Variants in LOC128462377 observed in about 807,000 individuals in gnomAD.
chr16:89,408,860 G>C, the LOC128462377 span, among the ~76,000 whole-genome samples: 1 of 152,214 alleles, frequency 6.6e-6, no homozygotes, highest in South Asian at 2.1e-4. Flanking sequence ...AGGAAAAAAA[G>C]AGAACATAAG....
chr16:89,385,192 TTTTG>T, the LOC128462377 span, among the ~76,000 whole-genome samples: 2 of 150,140 alleles, frequency 1.3e-5, no homozygotes, highest in Admixed American at 6.6e-5. Flanking sequence ...AATGGTGTTT[TTTTG>T]TTTGTTTGTT....
the LOC128462377 span, among the ~76,000 whole-genome samples, chr16:89,405,908 G>A: frequency 1.6e-4 from 24 of 152,148 alleles, no homozygotes; most frequent in Non-Finnish European, 2.5e-4. Context: ...ACAGGAGTTC[G>A]AGAGCAGTCT....
chr16:89,355,258 C>T, the LOC128462377 span, among the ~76,000 whole-genome samples: 2 of 150,678 alleles, frequency 1.3e-5, no homozygotes, highest in Admixed American at 6.6e-5. Context: ...CCCTGAGGCT[C>T]GGAAGGCGGG....
At chr16:89,360,371 A>T in the LOC128462377 span, among the ~76,000 whole-genome samples, 1 of 152,228 alleles carries the variant, frequency 6.6e-6, no homozygotes, top group African/African-American at 2.4e-5. Context: ...AGCTGGGACT[A>T]CAGGTGAACA....
chr16:89,413,873 C>A, the LOC128462377 span, among the ~76,000 whole-genome samples: 2 of 152,138 alleles, frequency 1.3e-5, no homozygotes, highest in African/African-American at 2.4e-5. Flanking sequence ...CAAGGCCAGA[C>A]TGGGGGGAGG....
chr16:89,319,529 C>T, the LOC128462377 span, among the ~76,000 whole-genome samples: 1 of 152,228 alleles, frequency 6.6e-6, no homozygotes, highest in African/African-American at 2.4e-5. Flanking sequence ...CCATCCAGGC[C>T]GTGGCCCTTC....
the LOC128462377 span, among the ~76,000 whole-genome samples, chr16:89,343,019 G>A: frequency 2.0e-5 from 3 of 152,134 alleles, no homozygotes; most frequent in Non-Finnish European, 2.9e-5. Context: ...AAATATAAGC[G>A]CTTTTTAAAT....
the LOC128462377 span, among the ~76,000 whole-genome samples, chr16:89,369,535 G>A: frequency 6.6e-6 from 1 of 152,220 alleles, no homozygotes; most frequent in Non-Finnish European, 1.5e-5. Context: ...TCACATGAAC[G>A]TCTGGAATAG....
chr16:89,403,174 C>T, the LOC128462377 span, among the ~76,000 whole-genome samples: 5 of 152,202 alleles, frequency 3.3e-5, no homozygotes, highest in Admixed American at 3.3e-4. Flanking sequence ...TTCCTGTTGG[C>T]AGGTGGACCC....
the LOC128462377 span, among the ~76,000 whole-genome samples, chr16:89,366,308 A>G: frequency 2.0e-5 from 3 of 152,064 alleles, no homozygotes; most frequent in Non-Finnish European, 4.4e-5. Flanking sequence ...ATGTGTCTTT[A>G]TGGTAGAATG....
the LOC128462377 span, among the ~76,000 whole-genome samples, chr16:89,362,772 G>A: frequency 7.4e-3 from 1,130 of 152,222 alleles, 13 homozygotes; most frequent in African/African-American, 0.025. Context: ...ATTAGGTCAC[G>A]GCCTGTTCCT....
the LOC128462377 span, among the ~76,000 whole-genome samples, chr16:89,393,969 C>T: frequency 1.3e-5 from 2 of 152,308 alleles, no homozygotes; most frequent in Middle Eastern, 3.4e-3. Flanking sequence ...ATAAGTGAAG[C>T]TCAAACCACT....
At chr16:89,392,911 G>A in the LOC128462377 span, among the ~76,000 whole-genome samples, 1 of 151,712 alleles carries the variant, frequency 6.6e-6, no homozygotes, top group East Asian at 1.9e-4. Context: ...TCACCACCTT[G>A]GGACCTGCCT....
At chr16:89,324,330 G>A in the LOC128462377 span, 8 of 1,211,500 alleles carry the variant, frequency 6.6e-6, no homozygotes, top group African/African-American at 3.1e-5. Context: ...CAGTCGGGGC[G>A]ACGTGGGTGC....
chr16:89,389,315 A>C, the LOC128462377 span, among the ~76,000 whole-genome samples: 5 of 152,264 alleles, frequency 3.3e-5, no homozygotes, highest in African/African-American at 9.6e-5. Context: ...GTGAGCCACC[A>C]CACCCGACCT....
the LOC128462377 span, among the ~76,000 whole-genome samples, chr16:89,337,115 G>A: frequency 1.3e-5 from 2 of 151,706 alleles, no homozygotes; most frequent in Admixed American, 6.6e-5. Context: ...GAACCTGGCA[G>A]GCACAGGCTG....
chr16:89,399,019 T>C, the LOC128462377 span, among the ~76,000 whole-genome samples: 1 of 152,198 alleles, frequency 6.6e-6, no homozygotes, highest in Non-Finnish European at 1.5e-5. Context: ...ACAAGCTCCA[T>C]GCTCTGTGAG....
chr16:89,337,173 G>A, the LOC128462377 span, among the ~76,000 whole-genome samples: 3 of 152,012 alleles, frequency 2.0e-5, no homozygotes, highest in East Asian at 1.9e-4. Context: ...GCAACAGAGT[G>A]AGACCCTGTC....
the LOC128462377 span, among the ~76,000 whole-genome samples, chr16:89,359,593 G>A: frequency 2.6e-5 from 4 of 152,172 alleles, no homozygotes; most frequent in East Asian, 1.9e-4. Context: ...GCTGCTGGCC[G>A]AAACTGTTAT....
Sources: allele counts gnomAD v4.1 joint callset (sites outside exome capture counted in the v4.1 genomes callset), GRCh38; gene constraint gnomAD v4.1.1; transcripts MANE v1.5.